CTNNA3: variants seen among roughly 807,000 people sequenced by gnomAD.
CTNNA3 encodes catenin alpha 3.
Under a neutral mutation model 95.7 loss-of-function variants are expected in CTNNA3, and 76 were observed. The ratio of observed to expected loss-of-function variants is 0.79; its 90% CI spans 0.66 to 0.96. The LOEUF (loss-of-function observed/expected upper bound fraction) is 0.96, where lower values mean the gene tolerates loss of function less well. CTNNA3 is among the 40% of genes least tolerant of loss of function. The pLI is 0.00. For missense variants in CTNNA3, 1,191 were observed against 1,089.8 expected (o/e 1.09, Z -1.31); for synonymous variants, 431 against 374.4 (o/e 1.15, Z -1.74).
intron 13 of CTNNA3, among the ~76,000 whole-genome samples, chr10:66,107,784 T>A (rs1334603705): frequency 6.6e-6 from 1 of 151,656 alleles, no homozygotes; most frequent in Non-Finnish European, 1.5e-5. Flanking sequence ...AAAAAGAAAT[T>A]TGTGGTTGCT....
intron 10 of CTNNA3, among the ~76,000 whole-genome samples, chr10:66,617,308 C>T (rs1844554121): frequency 6.6e-6 from 1 of 151,824 alleles, no homozygotes; most frequent in African/African-American, 2.4e-5. Flanking sequence ...ATAAAGTGAA[C>T]ATAAAAGAAG....
At chr10:66,934,975 C>A (rs527667884) in intron 7 of CTNNA3, among the ~76,000 whole-genome samples, 1 of 152,066 alleles carries the variant, frequency 6.6e-6, no homozygotes, top group African/African-American at 2.4e-5. Context: ...TGTCATCAGA[C>A]AGTGAAGCTA....
At chr10:67,650,570 A>C (rs1035724858) in intron 1 of CTNNA3, among the ~76,000 whole-genome samples, 1 of 152,050 alleles carries the variant, frequency 6.6e-6, no homozygotes, top group African/African-American at 2.4e-5. Context: ...TCTTCATTCC[A>C]CTTTATTCCC....
intron 10 of CTNNA3, among the ~76,000 whole-genome samples, chr10:66,557,979 A>G (rs1842442873): frequency 6.6e-6 from 1 of 152,066 alleles, no homozygotes; most frequent in Non-Finnish European, 1.5e-5. Context: ...AGGTATTTCC[A>G]GTATATATAT....
At chr10:67,189,118 C>A (rs1314527658) in intron 6 of CTNNA3, among the ~76,000 whole-genome samples, 5 of 142,640 alleles carry the variant, frequency 3.5e-5, no homozygotes, top group South Asian at 2.2e-4. Flanking sequence ...CCCTGTCAAA[C>A]AAACAAACAA....
chr10:67,497,637 A>C (rs113331113), intron 5 of CTNNA3, among the ~76,000 whole-genome samples: 2,596 of 152,300 alleles, frequency 0.017, 78 homozygotes, highest in African/African-American at 0.057. Context: ...AACTGGCGTG[A>C]GATGGTATCT....
intron 5 of CTNNA3, among the ~76,000 whole-genome samples, chr10:67,275,275 A>G (rs1327936369): frequency 6.6e-6 from 1 of 152,192 alleles, no homozygotes; most frequent in African/African-American, 2.4e-5. Flanking sequence ...GGTGCTAAAT[A>G]ACCACACGTG....
intron 5 of CTNNA3, among the ~76,000 whole-genome samples, chr10:67,326,810 A>G (rs1307275515): frequency 6.6e-6 from 1 of 152,134 alleles, no homozygotes; most frequent in Non-Finnish European, 1.5e-5. Context: ...ATATCCTGAA[A>G]TATATTTTCC....
intron 1 of CTNNA3, among the ~76,000 whole-genome samples, chr10:67,724,836 T>C (rs1334864245): frequency 6.6e-6 from 1 of 152,194 alleles, no homozygotes; most frequent in Non-Finnish European, 1.5e-5. Flanking sequence ...CTTATCCAAG[T>C]GCAGGAAGCC....
chr10:67,708,548 C>G (rs1275104026), intron 1 of CTNNA3, among the ~76,000 whole-genome samples: 1 of 152,064 alleles, frequency 6.6e-6, no homozygotes, highest in African/African-American at 2.4e-5. Context: ...TTTATTATAC[C>G]ACTTCTGAAG....
At chr10:67,418,073 T>C (rs1465161403) in intron 5 of CTNNA3, among the ~76,000 whole-genome samples, 1 of 152,098 alleles carries the variant, frequency 6.6e-6, no homozygotes, top group Non-Finnish European at 1.5e-5. Context: ...TGGATAAACC[T>C]TAGAAGAATT....
chr10:66,067,691 G>A (rs1177405241), intron 15 of CTNNA3, among the ~76,000 whole-genome samples: 1 of 152,034 alleles, frequency 6.6e-6, no homozygotes, highest in Admixed American at 6.6e-5. Flanking sequence ...GCTGAGGCGG[G>A]CGGATCACGA....
chr10:67,628,227 T>C (rs1839023519), intron 2 of CTNNA3, among the ~76,000 whole-genome samples: 1 of 151,120 alleles, frequency 6.6e-6, no homozygotes. Context: ...TAAACGACTT[T>C]GGTTCACATT....
At chr10:67,031,006 A>G (rs1042223528) in intron 7 of CTNNA3, among the ~76,000 whole-genome samples, 3 of 152,130 alleles carry the variant, frequency 2.0e-5, no homozygotes, top group Admixed American at 1.3e-4. Flanking sequence ...CTCCGTCTCA[A>G]AAAAATAAAT....
chr10:65,964,082 T>G (rs1229899284), intron 17 of CTNNA3, among the ~76,000 whole-genome samples: 1 of 152,170 alleles, frequency 6.6e-6, no homozygotes, highest in Non-Finnish European at 1.5e-5. Context: ...GAATACCAAA[T>G]TTCTGTAATT....
chr10:67,390,261 A>C (rs960870362), intron 5 of CTNNA3, among the ~76,000 whole-genome samples: 1 of 152,238 alleles, frequency 6.6e-6, no homozygotes, highest in African/African-American at 2.4e-5. Context: ...CTACCATCAG[A>C]GAATACTACA....
At chr10:66,390,649 G>A (rs758555288) in intron 11 of CTNNA3, among the ~76,000 whole-genome samples, 2 of 152,058 alleles carry the variant, frequency 1.3e-5, no homozygotes, top group Non-Finnish European at 2.9e-5. Flanking sequence ...CAAGAATACA[G>A]TAATTTTTCT....
chr10:67,079,858 A>AAC (rs199928311), intron 7 of CTNNA3, among the ~76,000 whole-genome samples: 4,882 of 141,140 alleles, frequency 0.035, 120 homozygotes, highest in Admixed American at 0.078. Context: ...AAAAAAACAA[A>AAC]ACACACACAC....
In CTNNA3 at chr10:67,526,982, G is replaced by A. The variant is rs536742513; in HGVS notation, c.460-5021C>T. On this transcript the variant is annotated intron_variant, in intron 4 of 17. Transcript: ENST00000433211. ...GATGCTTTATGAAAAGTTTGGCCAG[G>A]TACAGTGGCTCACGCTGTAATCTCA... Among the ~76,000 whole-genome samples the A allele has an allele frequency of 3.9e-5, 6 of 152,306 alleles. No individual in the cohort carries two copies. The South Asian group carries it at 1.2e-3, about 32-fold the overall frequency.
Sources: allele counts gnomAD v4.1 joint callset (sites outside exome capture counted in the v4.1 genomes callset), GRCh38; gene constraint gnomAD v4.1.1; transcripts MANE v1.5; gene names NCBI Gene and HGNC (gene_info 2026-07-23, HGNC 2026-07-21).